Variants in SPPL3 observed in about 807,000 individuals in gnomAD.
SPPL3 encodes signal peptide peptidase-like 3.
A neutral mutation model predicts 42.4 loss-of-function variants in SPPL3; 5 were observed. The ratio of observed to expected loss-of-function variants is 0.12; its 90% CI spans 0.06 to 0.25. The LOEUF is 0.25. Among genes scored for constraint, SPPL3 ranks in the 10% least tolerant of loss-of-function variants. The pLI is 1.00. For missense variants in SPPL3, 235 were observed against 489.0 expected, an observed-to-expected ratio of 0.48 and a Z score of 4.90; for synonymous variants, 195 against 181.8, an observed-to-expected ratio of 1.07 and a Z score of -0.58.
intron 1 of SPPL3, among the ~76,000 whole-genome samples, chr12:120,813,216 G>A (rs544976143): frequency 6.6e-6 from 1 of 151,418 alleles, no homozygotes; most frequent in Non-Finnish European, 1.5e-5. Flanking sequence ...GCATACAGAG[G>A]AGGACATTAC....
At chr12:120,806,772 G>A (rs1045980244) in intron 2 of SPPL3, among the ~76,000 whole-genome samples, 10 of 151,678 alleles carry the variant, frequency 6.6e-5, no homozygotes, top group Non-Finnish European at 1.2e-4. Context: ...GCGTGAAGCC[G>A]GGAGGCAGAG....
At chr12:120,770,328 A>G (rs1039661830) in intron 6 of SPPL3, among the ~76,000 whole-genome samples, 1 of 151,974 alleles carries the variant, frequency 6.6e-6, no homozygotes, top group African/African-American at 2.4e-5. Flanking sequence ...TGCCCAGCCT[A>G]AAGTCCTTTT....
At chr12:120,863,207 G>A (rs952901760) in intron 1 of SPPL3, among the ~76,000 whole-genome samples, 1 of 152,062 alleles carries the variant, frequency 6.6e-6, no homozygotes, top group Non-Finnish European at 1.5e-5. Context: ...AATTAGCTGG[G>A]TGTGGTGGTG....
chr12:120,888,714 A>C (rs1255880847), intron 1 of SPPL3, among the ~76,000 whole-genome samples: 1 of 152,220 alleles, frequency 6.6e-6, no homozygotes, highest in Non-Finnish European at 1.5e-5. Flanking sequence ...TGTTATAAAA[A>C]TGATTGTGGT....
At chr12:120,903,025 GC>G (rs1178510974) in intron 1 of SPPL3, among the ~76,000 whole-genome samples, 11 of 152,024 alleles carry the variant, frequency 7.2e-5, no homozygotes, top group Non-Finnish European at 1.3e-4. Flanking sequence ...TCGCTTCTCG[GC>G]CCTTAACGAG....
intron 1 of SPPL3, among the ~76,000 whole-genome samples, chr12:120,894,578 G>A (rs1180007460): frequency 6.6e-6 from 1 of 152,214 alleles, no homozygotes; most frequent in Non-Finnish European, 1.5e-5. Context: ...TAGGTCAAGA[G>A]TGAAGCCCAA....
At chr12:120,794,705 T>C (rs542649896) in intron 2 of SPPL3, among the ~76,000 whole-genome samples, 1 of 152,316 alleles carries the variant, frequency 6.6e-6, no homozygotes, top group South Asian at 2.1e-4. Context: ...CAACTGCTGT[T>C]TTAAAGAGGT....
At chr12:120,901,533 GTGAGCCGAGA>G (rs1304855451) in intron 1 of SPPL3, among the ~76,000 whole-genome samples, 1 of 148,826 alleles carries the variant, frequency 6.7e-6, no homozygotes, top group African/African-American at 2.5e-5. Flanking sequence ...GGAGGCTGCA[GTGAGCCGAGA>G]TGGCGCCACT....
intron 2 of SPPL3, among the ~76,000 whole-genome samples, chr12:120,795,528 T>C (rs1566044086): frequency 6.6e-6 from 1 of 152,244 alleles, no homozygotes; most frequent in Non-Finnish European, 1.5e-5. Flanking sequence ...TTTTTCTTCC[T>C]GTACTTTAAA....
chr12:120,877,254 C>G (rs183227859), intron 1 of SPPL3, among the ~76,000 whole-genome samples: 1 of 152,194 alleles, frequency 6.6e-6, no homozygotes, highest in Non-Finnish European at 1.5e-5. Context: ...AAAGAAAACT[C>G]CAAGTCCAGA....
At chr12:120,893,994 T>A (rs1010426886) in intron 1 of SPPL3, among the ~76,000 whole-genome samples, 1 of 152,196 alleles carries the variant, frequency 6.6e-6, no homozygotes, top group African/African-American at 2.4e-5. Flanking sequence ...TAATCTTTAC[T>A]TCTAAAAGTA....
At chr12:120,817,132 TA>T (rs34780548) in intron 1 of SPPL3, among the ~76,000 whole-genome samples, 299 of 143,146 alleles carry the variant, frequency 2.1e-3, no homozygotes, top group Non-Finnish European at 1.8e-3. Flanking sequence ...TATGAAAAAT[TA>T]AAAAAAAAAA....
At chr12:120,884,708 T>TA (rs1301585852) in intron 1 of SPPL3, among the ~76,000 whole-genome samples, 2 of 151,746 alleles carry the variant, frequency 1.3e-5, no homozygotes, top group Non-Finnish European at 2.9e-5. Flanking sequence ...TTTTCACCAA[T>TA]AAAATATGGT....
chr12:120,870,996 G>A (rs1397341540), intron 1 of SPPL3, among the ~76,000 whole-genome samples: 1 of 151,584 alleles, frequency 6.6e-6, no homozygotes, highest in Non-Finnish European at 1.5e-5. Flanking sequence ...CGGGCATGGC[G>A]CCAGGCACCT....
intron 1 of SPPL3, among the ~76,000 whole-genome samples, chr12:120,833,667 CA>C (rs139441042): frequency 5.2e-5 from 5 of 95,560 alleles, no homozygotes; most frequent in African/African-American, 3.1e-4. Flanking sequence ...TCCATCTCTC[CA>C]AAAAAAAAAA....
intron 1 of SPPL3, among the ~76,000 whole-genome samples, chr12:120,886,006 C>T (rs982398365): frequency 5.9e-5 from 9 of 151,918 alleles, no homozygotes; most frequent in African/African-American, 2.2e-4. Flanking sequence ...AGGCATGTGC[C>T]ACCATGCCCA....
intron 2 of SPPL3, among the ~76,000 whole-genome samples, chr12:120,794,985 G>A (rs1390116265): frequency 6.6e-6 from 1 of 152,104 alleles, no homozygotes; most frequent in Non-Finnish European, 1.5e-5. Flanking sequence ...TTCATGTATA[G>A]TATAAACTCC....
intron 2 of SPPL3, 37 bp downstream of exon 2, chr12:120,810,772 C>T (rs1212717695): frequency 6.6e-7 from 1 of 1,524,736 alleles, no homozygotes; most frequent in East Asian, 2.3e-5. Flanking sequence ...CTTCTTCCAC[C>T]TCCAACTTGT....
chr12:120,840,476 A>T (rs1871781961), intron 1 of SPPL3, among the ~76,000 whole-genome samples: 1 of 152,018 alleles, frequency 6.6e-6, no homozygotes, highest in South Asian at 2.1e-4. Context: ...AAAATAAAGG[A>T]ATGGAAAATG....
Sources: allele counts gnomAD v4.1 joint callset (sites outside exome capture counted in the v4.1 genomes callset), GRCh38; gene constraint gnomAD v4.1.1; transcripts MANE v1.5; gene names NCBI Gene and HGNC (gene_info 2026-07-23, HGNC 2026-07-21).